Variants in SYNE2 observed in about 807,000 individuals in gnomAD.
SYNE2 encodes spectrin repeat containing nuclear envelope protein 2, also known as nesprin-2.
Under a neutral mutation model 856.3 loss-of-function variants are expected in SYNE2, and 431 were observed. The observed-to-expected ratio is 0.50, with a 90% CI of 0.47 to 0.55. SYNE2 has a LOEUF of 0.55. SYNE2 is among the 20% of genes least tolerant of loss of function. The pLI is 0.00. For synonymous variants in SYNE2, 2,923 were observed against 2,872.3 expected (o/e 1.02, Z -0.56); for missense variants, 8,129 against 8,023.2 (o/e 1.01, Z -0.50).
intron 1 of SYNE2, among the ~76,000 whole-genome samples, chr14:63,779,493 C>T (rs1046704853): frequency 4.0e-5 from 6 of 149,194 alleles, no homozygotes; most frequent in Admixed American, 1.3e-4. Context: ...AACCTCAGAG[C>T]TAACCTCACA....
chr14:63,875,756 A>G (rs2094701312), intron 1 of SYNE2, among the ~76,000 whole-genome samples: 1 of 152,202 alleles, frequency 6.6e-6, no homozygotes, highest in Non-Finnish European at 1.5e-5. Context: ...GCCGATATTT[A>G]TAGTAAATTG....
At chr14:64,124,099 G>T (rs1447081042) in intron 70 of SYNE2, among the ~76,000 whole-genome samples, 1 of 152,086 alleles carries the variant, frequency 6.6e-6, no homozygotes, top group Non-Finnish European at 1.5e-5. Flanking sequence ...CAGCTACTTG[G>T]GAGGCTGAGG....
chr14:63,839,030 TTTC>T (rs139575156), intron 1 of SYNE2, among the ~76,000 whole-genome samples: 5,407 of 152,068 alleles, frequency 0.036, 191 homozygotes, highest in African/African-American at 0.087. Flanking sequence ...TATTTTCAAA[TTTC>T]TTCTTCTTTT....
chr14:64,022,637 A>G (rs1349994388), intron 37 of SYNE2, 114 bp from the exon 38 acceptor site: 2 of 719,954 alleles, frequency 2.8e-6, no homozygotes, highest in Non-Finnish European at 5.1e-6. Flanking sequence ...GGTTATTACC[A>G]CTTTCACAAC....
In SYNE2 at chr14:64,003,243, A is replaced by G; in HGVS notation, c.4310A>G (p.Asn1437Ser). Residue 1437 changes from asparagine to serine, a missense_variant, in exon 30 of 116, where the codon AAT (asparagine) becomes AGT (serine). Around this residue, in one of 3 missense-constraint regions of SYNE2, gnomAD observed 2,422 missense variants for 2,357.4 expected, o/e 1.03. Transcript: ENST00000555002. ...KLLEACIFKNNELLKNIQDVQ... is the reference protein window; with the variant it reads ...KLLEACIFKNSELLKNIQDVQ... ...CTAGAGGCTTGTATTTTCAAAAATA[A>G]TGAACTCCTTAAAAATATTCAAGAT... 1 of 1,613,868 alleles carries G rather than the reference A, an allele frequency of 6.2e-7. No homozygotes were observed. The highest frequency in any genetic ancestry group is 8.5e-7 in the Non-Finnish European group (1 of 1,179,930).
Position 64,141,379 on chromosome 14 carries a change from G to A in SYNE2, c.15015G>A (p.Lys5005=). 1.2e-6 allele frequency: 2 copies of A among 1,613,944 alleles called. No homozygotes were observed. Among genetic ancestry groups the A allele is most frequent in the African/African-American group, 1.3e-5 (1 of 75,032 alleles). ...SKEVDEKSSL[K]TAVISIGNQL... is the part of the protein sequence containing the mutation. ...AAGTTGATGAAAAATCCTCCTTGAA[G>A]ACTGCCGTTATCAGTATCGGGAACC... Residue 5005 remains lysine (K), a synonymous_variant, in exon 81 of 116, where the codon AAG becomes AAA. Coordinates refer to ENST00000555002, the MANE Select transcript of SYNE2 (RefSeq NM_182914.3).
chr14:63,792,375 G>A (rs758644319), intron 1 of SYNE2, among the ~76,000 whole-genome samples: 12 of 152,138 alleles, frequency 7.9e-5, no homozygotes, highest in Admixed American at 2.6e-4. Context: ...TGAACATGGC[G>A]AAACCCCATC....
intron 112 of SYNE2, among the ~76,000 whole-genome samples, chr14:64,222,599 G>A (rs746413705): frequency 9.2e-5 from 14 of 152,220 alleles, no homozygotes; most frequent in South Asian, 2.1e-4. Context: ...GGTGGCAGGC[G>A]CCTGTAATCC....
At chr14:63,883,693 C>G (rs1226455411) in intron 1 of SYNE2, among the ~76,000 whole-genome samples, 1 of 152,180 alleles carries the variant, frequency 6.6e-6, no homozygotes, top group Non-Finnish European at 1.5e-5. Flanking sequence ...GCCTGTAAAT[C>G]AAGGCTAAAA....
At chr14:64,099,289 T>G (rs2097702156) in intron 63 of SYNE2, 2 of 170,118 alleles carry the variant, frequency 1.2e-5, no homozygotes, top group South Asian at 1.4e-4. Context: ...TTCAGTTGTC[T>G]TTTCTGACGT....
intron 99 of SYNE2, among the ~76,000 whole-genome samples, chr14:64,192,210 ATG>A (rs939207308): frequency 2.0e-5 from 3 of 151,860 alleles, no homozygotes; most frequent in African/African-American, 7.3e-5. Flanking sequence ...AAATGAGTAA[ATG>A]TTTCAGTGCA....
intron 95 of SYNE2, among the ~76,000 whole-genome samples, chr14:64,176,237 C>T (rs1355326834): frequency 2.0e-5 from 3 of 152,144 alleles, no homozygotes; most frequent in African/African-American, 7.2e-5. Context: ...AATGCAGGCA[C>T]CTATTTTGTT....
At chr14:63,922,694 C>T (rs545210546) in intron 2 of SYNE2, among the ~76,000 whole-genome samples, 192 of 152,246 alleles carry the variant, frequency 1.3e-3, no homozygotes, top group African/African-American at 4.5e-3. Context: ...ATCATTTCAT[C>T]GCTATTTTTT....
At chr14:64,022,631 A>T (rs765967201) in intron 37 of SYNE2, 120 bp from the exon 38 acceptor site, 59 of 715,544 alleles carry the variant, frequency 8.2e-5, no homozygotes, top group Non-Finnish European at 1.3e-4. Context: ...TTCAGAGGTT[A>T]TTACCACTTT....
At chr14:63,768,672 C>A (rs1467975973) in intron 1 of SYNE2, among the ~76,000 whole-genome samples, 2 of 152,112 alleles carry the variant, frequency 1.3e-5, no homozygotes, top group Non-Finnish European at 2.9e-5. Flanking sequence ...TGGCCTGTAG[C>A]CTGTCCGTAT....
At chr14:64,137,724 T>G (rs2098106499) in intron 78 of SYNE2, 63 bp from the exon 79 acceptor site, 1 of 1,561,046 alleles carries the variant, frequency 6.4e-7, no homozygotes, top group African/African-American at 1.4e-5. Context: ...ATGCAGTATT[T>G]GTGAATAGCT....
intron 60 of SYNE2, among the ~76,000 whole-genome samples, 194 bp from the exon 61 acceptor site, chr14:64,093,155 G>A (rs1442441289): frequency 6.6e-6 from 1 of 152,194 alleles, no homozygotes; most frequent in Non-Finnish European, 1.5e-5. Context: ...CTGGCATCTA[G>A]TAGAGCAAGA....
intron 1 of SYNE2, among the ~76,000 whole-genome samples, chr14:63,841,435 A>G (rs1890063066): frequency 1.3e-5 from 2 of 152,208 alleles, no homozygotes; most frequent in African/African-American, 4.8e-5. Context: ...GCAAACCCTA[A>G]GATAAATCAT....
intron 45 of SYNE2, among the ~76,000 whole-genome samples, chr14:64,035,599 A>C (rs1425450787): frequency 2.0e-5 from 3 of 151,984 alleles, no homozygotes; most frequent in Non-Finnish European, 4.4e-5. Context: ...AGGCTGAAAA[A>C]GACCTTAGAA....
Sources: gnomAD v4.1 joint callset for allele counts (sites outside exome capture counted in the v4.1 genomes callset) on GRCh38, gnomAD v4.1.1 for gene constraint, gnomAD v4.1.1 regional missense constraint, MANE v1.5 for transcripts, NCBI Gene and HGNC (gene_info 2026-07-23, HGNC 2026-07-21) for gene names.